DST: variants seen among roughly 807,000 people sequenced by gnomAD.
DST encodes bullous pemphigoid antigen.
In DST, 253 loss-of-function variants were observed where a neutral mutation model predicts 875.2. That is an observed-to-expected ratio of 0.29 (90% CI 0.26 to 0.32). The LOEUF is 0.32. Ranked by LOEUF, DST falls within the 10% of genes least tolerant of loss-of-function variation. The pLI is 1.00. For missense variants in DST, 8,287 were observed against 9,111.6 expected, an observed-to-expected ratio of 0.91 and a Z score of 3.68; for synonymous variants, 3,124 against 3,197.1, an observed-to-expected ratio of 0.98 and a Z score of 0.77.
intron 4 of DST, among the ~76,000 whole-genome samples, chr6:56,819,695 A>G (rs888862098): frequency 5.3e-5 from 8 of 152,212 alleles, no homozygotes; most frequent in Non-Finnish European, 1.2e-4. Context: ...TGTATAAAAA[A>G]TTAACAGGTA....
chr6:56,926,422 T>C (rs1235815265), intron 2 of DST, among the ~76,000 whole-genome samples: 1 of 152,106 alleles, frequency 6.6e-6, no homozygotes, highest in Non-Finnish European at 1.5e-5. Context: ...GGTAACATGA[T>C]AGAAGTAAGC....
intron 4 of DST, among the ~76,000 whole-genome samples, chr6:56,845,674 C>T (rs1375537972): frequency 2.0e-5 from 3 of 152,200 alleles, no homozygotes; most frequent in Non-Finnish European, 4.4e-5. Context: ...ACAGACCACA[C>T]ATGTATAGAC....
intron 5 of DST, among the ~76,000 whole-genome samples, chr6:56,724,268 T>C (rs1589228362): frequency 6.6e-6 from 1 of 152,204 alleles, no homozygotes. Context: ...ACTAGGACAA[T>C]AGCTCTATAG....
intron 4 of DST, among the ~76,000 whole-genome samples, chr6:56,835,596 T>C (rs1057296494): frequency 2.0e-5 from 3 of 152,230 alleles, no homozygotes; most frequent in Non-Finnish European, 4.4e-5. Flanking sequence ...CCTAATTCAT[T>C]GACTACCTAC....
At chr6:56,851,209 C>A in intron 4 of DST, 188 bp downstream of exon 4, 1 of 604,826 alleles carries the variant, frequency 1.7e-6, no homozygotes, top group Non-Finnish European at 2.9e-6. Context: ...GCTTAGTCAC[C>A]AGCAGGCAGG....
At position 56,643,080 on chromosome 6, in the gene DST, G is replaced by A; in HGVS notation, c.1779-577C>T. The A allele has an allele frequency of 1.9e-5, 9 of 462,052 alleles. No homozygotes were observed. The South Asian group carries it at 2.3e-4, about 12-fold the overall frequency. The allele number at this position is 462,052 out of a possible 1,614,324, so 28.6% of individuals were successfully genotyped here. On this transcript the variant is annotated intron_variant, in intron 15 of 103. Transcript: ENST00000680361. ...CAAAGCAGGCAGATTGGGCGTCACT[G>A]GAAAGGATATGCCAAATATTTGCAC...
intron 3 of DST, among the ~76,000 whole-genome samples, chr6:56,870,717 C>T (rs1408566466): frequency 6.6e-6 from 1 of 152,152 alleles, no homozygotes. Context: ...GAGCCGAGAT[C>T]ATGCCATTAC....
At position 56,506,786 on chromosome 6, in the gene DST, T is replaced by A; in HGVS notation, c.19243A>T (p.Ile6415Leu). 2 of 1,604,816 alleles carry A rather than the reference T, an allele frequency of 1.2e-6. No homozygotes were observed. Among genetic ancestry groups the A allele is most frequent in the Non-Finnish European group, 1.7e-6 (2 of 1,177,162 alleles). Reference sequence around the variant, plus strand: ...TGTAGTCCATCTATTTCTTCCCTTATGGTCTAGAATAAGAAAATGACAGCC... The same window carrying A: ...TGTAGTCCATCTATTTCTTCCCTTAAGGTCTAGAATAAGAAAATGACAGCC... The part of the protein sequence containing the change: ...VKQQQEAAET[I>L]REEIDGLQEE... The change falls in exon 76 of 104, where the codon ATA (isoleucine) becomes TTA (leucine). Residue 6415 changes from isoleucine to leucine, a missense_variant. Ile to Leu is a conservative substitution (Grantham distance 5). Around this residue, in one of 10 missense-constraint regions of DST, gnomAD observed 1,292 missense variants for 1,552.7 expected, o/e 0.83. Transcript: ENST00000680361.
chr6:56,508,843 G>T, intron 74 of DST, 88 bp from the exon 75 acceptor site: 1 of 1,074,880 alleles, frequency 9.3e-7, no homozygotes, highest in Non-Finnish European at 1.3e-6. Context: ...AGAAAGTAGT[G>T]ATCCAATTTG....
At position 56,530,137 on chromosome 6, in the gene DST, C is replaced by G; in HGVS notation, c.17109-4G>C. On this transcript the variant is annotated splice_polypyrimidine_tract_variant and splice_region_variant and intron_variant, in intron 64 of 103. Coordinates refer to ENST00000680361, the MANE Select transcript of DST (RefSeq NM_001374736.1). The stretch of plus-strand genomic sequence containing the variant: ...GATACCTTCCAACTGACGATTCCTA[C>G]AAATGTGCCAAAAGGTCATTTAGGG... 6.4e-7 allele frequency: 1 copy of G among 1,572,358 alleles called. No individual in the cohort carries two copies.
At chr6:56,829,940 T>G (rs1414322451) in intron 4 of DST, among the ~76,000 whole-genome samples, 1 of 152,184 alleles carries the variant, frequency 6.6e-6, no homozygotes, top group African/African-American at 2.4e-5. Flanking sequence ...TCAGTACTAG[T>G]AGTTGCTTCC....
At chr6:56,911,175 C>T (rs544198287) in intron 2 of DST, among the ~76,000 whole-genome samples, 8 of 152,062 alleles carry the variant, frequency 5.3e-5, no homozygotes, top group Non-Finnish European at 1.2e-4. Context: ...GGCTGCTTAG[C>T]ATAGAGGCTG....
intron 3 of DST, among the ~76,000 whole-genome samples, chr6:56,862,218 C>T (rs957760217): frequency 2.0e-5 from 3 of 152,158 alleles, no homozygotes; most frequent in Admixed American, 6.5e-5. Flanking sequence ...AGCCCACCAA[C>T]GGGATCAGCA....
At chr6:56,594,732 G>A (rs1322287225) in intron 47 of DST, among the ~76,000 whole-genome samples, 1 of 152,216 alleles carries the variant, frequency 6.6e-6, no homozygotes, top group Non-Finnish European at 1.5e-5. Context: ...TAGAGAAGCA[G>A]ATATAATAAA....
At position 56,795,743 on chromosome 6, in the gene DST, G is replaced by C. The variant is rs183146987; in HGVS notation, c.625+55654C>G. ...AATCCTATAATGTCAAGAAAGAGTG[G>C]GGGAGGGAGAGAGAAGGGAGGATGA... On this transcript the variant is annotated intron_variant, in intron 4 of 103. Coordinates refer to ENST00000680361, the MANE Select transcript of DST (RefSeq NM_001374736.1). Among the ~76,000 whole-genome samples, 419 of 152,210 alleles carry C rather than the reference G, an allele frequency of 2.8e-3. 5 individuals are homozygous for C. Among genetic ancestry groups the C allele is most frequent in the Admixed American group, 0.017 (265 of 15,292 alleles).
intron 69 of DST, among the ~76,000 whole-genome samples, chr6:56,519,147 G>A (rs1029039310): frequency 2.0e-5 from 3 of 152,014 alleles, no homozygotes; most frequent in African/African-American, 4.8e-5. Context: ...TTTGCCTCAC[G>A]TATCTAAGAC....
At chr6:56,940,376 A>G (rs1815849300) in intron 2 of DST, among the ~76,000 whole-genome samples, 1 of 152,086 alleles carries the variant, frequency 6.6e-6, no homozygotes, top group Admixed American at 6.6e-5. Context: ...TAAAGCAGCA[A>G]TTCTCAAAAT....
intron 7 of DST, among the ~76,000 whole-genome samples, chr6:56,703,443 C>A (rs1345338867): frequency 6.6e-6 from 1 of 152,138 alleles, no homozygotes; most frequent in Non-Finnish European, 1.5e-5. Flanking sequence ...ATAATTCAAT[C>A]ATTTTAGCTC....
At chr6:56,843,439 C>T in intron 4 of DST, 1 of 1,032,688 alleles carries the variant, frequency 9.7e-7, no homozygotes, top group Non-Finnish European at 1.2e-6. Flanking sequence ...AGCCCAGGGG[C>T]GGCGACGAGC....
Sources: allele counts gnomAD v4.1 joint callset (sites outside exome capture counted in the v4.1 genomes callset), GRCh38; gene constraint gnomAD v4.1.1; regional missense constraint gnomAD v4.1.1; transcripts MANE v1.5; gene names NCBI Gene and HGNC (gene_info 2026-07-23, HGNC 2026-07-21).